The following MAN1A1 variants were observed in gnomAD, a reference collection of about 807,000 sequenced individuals.
MAN1A1 encodes mannosidase alpha class 1A member 1.
MAN1A1 carries 29 observed loss-of-function variants against 70.8 expected under a neutral mutation model. The ratio of observed to expected loss-of-function variants is 0.41; its 90% CI spans 0.31 to 0.56. The LOEUF (loss-of-function observed/expected upper bound fraction) is 0.56, where lower values mean the gene tolerates loss of function less well. MAN1A1 is among the 20% of genes least tolerant of loss of function. MAN1A1 has a pLI of 0.29. For synonymous variants in MAN1A1, 349 were observed against 330.1 expected (o/e 1.06, Z -0.62); for missense variants, 747 against 841.3 (o/e 0.89, Z 1.39).
rs554020561 is a variant in MAN1A1, at chr6:119,178,649, T to C, written c.*1170A>G. On this transcript the variant is annotated 3_prime_UTR_variant, in exon 13 of 13. Transcript: ENST00000368468. Reference sequence around the variant, plus strand: ...GCCATTTCTTTATATTTCTTCTAAGTTGTGATCTCTGTGTTGACTATAACC... The same window carrying C: ...GCCATTTCTTTATATTTCTTCTAAGCTGTGATCTCTGTGTTGACTATAACC... The C allele has an allele frequency of 6.6e-6, 1 of 152,244 alleles. No individual in the cohort carries two copies. The highest frequency in any genetic ancestry group is 6.5e-5 in the Admixed American group (1 of 15,290). 9.4% of individuals were successfully genotyped at this position (152,244 alleles called of 1,614,324 possible).
chr6:119,343,215 C>T (rs1470461165), intron 2 of MAN1A1, among the ~76,000 whole-genome samples: 1 of 151,452 alleles, frequency 6.6e-6, no homozygotes, highest in Non-Finnish European at 1.5e-5. Context: ...TTTCTGTACT[C>T]TCTATTAGGG....
chr6:119,216,721 C>T (rs1399966467), intron 6 of MAN1A1, among the ~76,000 whole-genome samples: 1 of 152,070 alleles, frequency 6.6e-6, no homozygotes, highest in Non-Finnish European at 1.5e-5. Context: ...AAAAGTATAA[C>T]AATAACATAC....
chr6:119,213,460 G>A (rs908457207), intron 6 of MAN1A1, among the ~76,000 whole-genome samples: 4 of 152,142 alleles, frequency 2.6e-5, no homozygotes, highest in Admixed American at 1.3e-4. Flanking sequence ...AATAAAAAAT[G>A]AGGAAAACTC....
intron 2 of MAN1A1, among the ~76,000 whole-genome samples, chr6:119,322,969 AG>A (rs1773055759): frequency 6.6e-6 from 1 of 152,244 alleles, no homozygotes; most frequent in South Asian, 2.1e-4. Context: ...CTGACATCAC[AG>A]GACACTGGCT....
intron 4 of MAN1A1, among the ~76,000 whole-genome samples, chr6:119,294,700 A>C (rs1005941484): frequency 6.6e-6 from 1 of 152,150 alleles, no homozygotes; most frequent in Non-Finnish European, 1.5e-5. Context: ...TAAAAAAATC[A>C]GAATTGGAGA....
At chr6:119,241,518 C>T (rs185439110) in intron 6 of MAN1A1, among the ~76,000 whole-genome samples, 1 of 152,324 alleles carries the variant, frequency 6.6e-6, no homozygotes, top group East Asian at 1.9e-4. Flanking sequence ...TAAATACCTA[C>T]AGAATCAGGC....
chr6:119,240,274 C>G (rs1049158879), intron 6 of MAN1A1, among the ~76,000 whole-genome samples: 2 of 152,120 alleles, frequency 1.3e-5, no homozygotes, highest in African/African-American at 4.8e-5. Flanking sequence ...AATTTTTCCA[C>G]TTTAATTATT....
intron 5 of MAN1A1, among the ~76,000 whole-genome samples, chr6:119,281,627 G>T (rs1458887242): frequency 2.0e-5 from 3 of 152,232 alleles, no homozygotes; most frequent in Admixed American, 2.0e-4. Flanking sequence ...AGAACATGCT[G>T]TCTTAATCCA....
At position 119,204,768 on chromosome 6, in the gene MAN1A1, AAAGATGGGGTTT is replaced by A; in HGVS notation, c.1095_1106del (p.Asn366_Phe369del). On this transcript the variant is annotated inframe_deletion, in exon 7 of 13. Transcript: ENST00000368468. ...CATTGAAGAATCTCACCTTTTCAGC[AAAGATGGGGTTT>A]CCTGATAAGTGGCTCAAGTGCATAA... 9 of 1,613,986 alleles carry A rather than the reference AAAGATGGGGTTT, an allele frequency of 5.6e-6. No individual in the cohort carries two copies. The highest frequency in any genetic ancestry group is 7.6e-6 in the Non-Finnish European group (9 of 1,179,872).
intron 2 of MAN1A1, among the ~76,000 whole-genome samples, chr6:119,333,798 C>T (rs1274674551): frequency 6.6e-6 from 1 of 152,218 alleles, no homozygotes; most frequent in Non-Finnish European, 1.5e-5. Context: ...TGCCCATCTT[C>T]TTCCTAGTTT....
At position 119,275,527 on chromosome 6, in the gene MAN1A1, T is replaced by C. The variant is rs56255400; in HGVS notation, c.897+15156A>G. On this transcript the variant is annotated intron_variant, in intron 5 of 12. Coordinates refer to ENST00000368468, the MANE Select transcript of MAN1A1 (RefSeq NM_005907.4). The stretch of plus-strand genomic sequence containing the variant: ...TTCACCGTTTTAGCCGGGATGGTCT[T>C]GATCTCCTGACCTCGTGATCCGCCC... 6.8e-5 allele frequency among the ~76,000 whole-genome samples: 10 copies of C among 146,500 alleles called. 1 individual carries two copies. The highest frequency in any genetic ancestry group is 1.0e-4 in the African/African-American group (4 of 39,016).
intron 5 of MAN1A1, among the ~76,000 whole-genome samples, chr6:119,263,524 T>C (rs1007017922): frequency 1.3e-5 from 2 of 152,058 alleles, no homozygotes; most frequent in Non-Finnish European, 2.9e-5. Flanking sequence ...GTAAGAAGGG[T>C]GAGGACTGAA....
intron 4 of MAN1A1, among the ~76,000 whole-genome samples, chr6:119,295,743 C>T (rs562535662): frequency 5.3e-5 from 8 of 152,264 alleles, no homozygotes; most frequent in African/African-American, 1.9e-4. Context: ...CCTCCAAACT[C>T]TGTATCAGCT....
At chr6:119,235,259 T>C (rs906804681) in intron 6 of MAN1A1, among the ~76,000 whole-genome samples, 3 of 152,208 alleles carry the variant, frequency 2.0e-5, no homozygotes, top group Admixed American at 6.5e-5. Context: ...GAGGAAGGCA[T>C]ATCAAAAGTG....
chr6:119,324,414 G>T (rs766523624), intron 2 of MAN1A1, among the ~76,000 whole-genome samples: 7 of 152,140 alleles, frequency 4.6e-5, no homozygotes, highest in Non-Finnish European at 1.0e-4. Flanking sequence ...TTAAGTTTGG[G>T]GGGGAATCGA....
intron 5 of MAN1A1, among the ~76,000 whole-genome samples, chr6:119,268,741 C>T (rs1488745348): frequency 6.6e-6 from 1 of 152,060 alleles, no homozygotes; most frequent in Non-Finnish European, 1.5e-5. Context: ...CATGTGCCAC[C>T]ATGCCTAGCT....
At chr6:119,225,469 T>C (rs942244182) in intron 6 of MAN1A1, among the ~76,000 whole-genome samples, 4 of 151,854 alleles carry the variant, frequency 2.6e-5, no homozygotes, top group African/African-American at 9.7e-5. Context: ...AGAAAAAATA[T>C]CTGAAGAGGT....
rs187536251 is a variant in MAN1A1, at chr6:119,297,831, C to T, written c.816+4157G>A. 2.0e-3 allele frequency among the ~76,000 whole-genome samples: 267 copies of T among 130,542 alleles called. 4 individuals are homozygous for T. The highest frequency in any genetic ancestry group is 7.5e-3 in the African/African-American group (254 of 33,984). 85.6% of individuals were successfully genotyped at this position (130,542 alleles called of 152,430 possible). On this transcript the variant is annotated intron_variant, in intron 4 of 12. Coordinates refer to ENST00000368468, the MANE Select transcript of MAN1A1 (RefSeq NM_005907.4). The stretch of plus-strand genomic sequence containing the variant: ...TTTGTTTTTTAAATAGAGATGGCGG[C>T]GGTGGGGAGGGTTTTACTCTGTTGC...
rs111831002 is a variant in MAN1A1, at chr6:119,296,191, C to T, written c.817-5428G>A. 5.2e-4 allele frequency among the ~76,000 whole-genome samples: 79 copies of T among 152,234 alleles called. 1 individual carries two copies. Among genetic ancestry groups the T allele is most frequent in the African/African-American group, 1.8e-3 (75 of 41,560 alleles). ...AGCCTTTGGTTTCCTATTTAAGCAA[C>T]GTGACAAATCTCTTAAGACTGCTAA... On this transcript the variant is annotated intron_variant, in intron 4 of 12. Transcript: ENST00000368468.
Sources: gnomAD v4.1 joint callset for allele counts (sites outside exome capture counted in the v4.1 genomes callset) on GRCh38, gnomAD v4.1.1 for gene constraint, MANE v1.5 for transcripts, NCBI Gene and HGNC (gene_info 2026-07-23, HGNC 2026-07-21) for gene names.